NEGR1: variants seen among roughly 807,000 people sequenced by gnomAD.
NEGR1 encodes the protein neuronal growth regulator 1, also known as IgLON family member 4.
NEGR1 carries 10 observed loss-of-function variants against 40.9 expected under a neutral mutation model. That is an observed-to-expected ratio of 0.24 (90% CI 0.15 to 0.42). The LOEUF (loss-of-function observed/expected upper bound fraction) is 0.42. NEGR1 is among the 10% of genes least tolerant of loss of function. NEGR1 has a pLI of 1.00. For missense variants in NEGR1, 352 were observed against 438.9 expected (o/e 0.80, Z 1.77); for synonymous variants, 185 against 166.8 (o/e 1.11, Z -0.84).
chr1:71,834,886 A>AACACACACACACACACACACAC (rs1330229060), intron 2 of NEGR1, among the ~76,000 whole-genome samples: 1,440 of 78,160 alleles, frequency 0.018, 11 homozygotes, highest in Non-Finnish European at 0.027. Flanking sequence ...ATTTTAGGAG[A>AACACACACACACACACACACAC]TCACACACAC....
intron 2 of NEGR1, among the ~76,000 whole-genome samples, chr1:71,827,778 CGA>C (rs1169608392): frequency 1.3e-5 from 2 of 151,364 alleles, no homozygotes; most frequent in South Asian, 4.2e-4. Context: ...AACTATACCG[CGA>C]GAGAGACAGG....
At chr1:71,456,086 TA>T (rs1425582465) in intron 6 of NEGR1, among the ~76,000 whole-genome samples, 1 of 152,158 alleles carries the variant, frequency 6.6e-6, no homozygotes, top group Non-Finnish European at 1.5e-5. Context: ...AAACTATAGT[TA>T]AATTAGATGA....
intron 1 of NEGR1, among the ~76,000 whole-genome samples, chr1:72,064,365 G>A (rs747658916): frequency 3.3e-5 from 5 of 152,046 alleles, no homozygotes; most frequent in Non-Finnish European, 5.9e-5. Context: ...GGCATGTAGA[G>A]GAGCTGAGGA....
At chr1:72,026,636 C>T (rs1185334495) in intron 1 of NEGR1, among the ~76,000 whole-genome samples, 1 of 152,092 alleles carries the variant, frequency 6.6e-6, no homozygotes, top group Admixed American at 6.6e-5. Flanking sequence ...CCCTCTCTCT[C>T]TCCTGAAATA....
intron 6 of NEGR1, among the ~76,000 whole-genome samples, chr1:71,534,333 C>T (rs540765934): frequency 7.3e-5 from 11 of 151,528 alleles, no homozygotes; most frequent in Non-Finnish European, 1.5e-4. Flanking sequence ...ATAAAATAAG[C>T]TGTCCAAAAG....
rs138617570 is a variant in NEGR1 at position 72,082,721 on chromosome 1, A to C, written c.177-147410T>G. On this transcript the variant is annotated intron_variant, in intron 1 of 6. Transcript: ENST00000357731. ...ACAAAACAAAACAAAAAACAAAAAAAAAAAAACTAATGGGTCATCCTGAGG... is the reference window on the plus strand; with the variant it reads ...ACAAAACAAAACAAAAAACAAAAAACAAAAAACTAATGGGTCATCCTGAGG... Among the ~76,000 whole-genome samples the C allele has an allele frequency of 7.0e-3, 1,067 of 152,124 alleles. 9 individuals are homozygous for C. Among genetic ancestry groups the C allele is most frequent in the African/African-American group, 0.022 (895 of 41,512 alleles).
At chr1:71,754,753 T>C (rs977490736) in intron 3 of NEGR1, among the ~76,000 whole-genome samples, 9 of 152,158 alleles carry the variant, frequency 5.9e-5, no homozygotes, top group Non-Finnish European at 1.2e-4. Flanking sequence ...ATAGACACTT[T>C]TCCATATATC....
chr1:72,018,537 A>G (rs1646731181), intron 1 of NEGR1, among the ~76,000 whole-genome samples: 1 of 152,206 alleles, frequency 6.6e-6, no homozygotes, highest in Non-Finnish European at 1.5e-5. Flanking sequence ...ATAATTTTTA[A>G]TAACTTCTCA....
At chr1:72,038,756 C>T (rs544017246) in intron 1 of NEGR1, among the ~76,000 whole-genome samples, 7 of 151,964 alleles carry the variant, frequency 4.6e-5, no homozygotes, top group Admixed American at 1.3e-4. Flanking sequence ...ATGGATGCTC[C>T]ATGAATCACC....
chr1:72,253,454 C>G (rs1570179730), intron 1 of NEGR1, among the ~76,000 whole-genome samples: 1 of 151,940 alleles, frequency 6.6e-6, no homozygotes, highest in African/African-American at 2.4e-5. Flanking sequence ...AATAATAAAT[C>G]AACACTCATC....
At chr1:72,095,276 T>C (rs1197659506) in intron 1 of NEGR1, among the ~76,000 whole-genome samples, 1 of 152,142 alleles carries the variant, frequency 6.6e-6, no homozygotes, top group Non-Finnish European at 1.5e-5. Context: ...TGAATATTAC[T>C]TTGAAAATCT....
chr1:71,519,743 A>T (rs1350500617), intron 6 of NEGR1, among the ~76,000 whole-genome samples: 8 of 147,920 alleles, frequency 5.4e-5, no homozygotes, highest in African/African-American at 1.8e-4. Flanking sequence ...AAAAAAAAAA[A>T]ATTAAAAAAA....
intron 2 of NEGR1, among the ~76,000 whole-genome samples, chr1:71,795,396 A>T (rs1027878017): frequency 2.6e-5 from 4 of 152,072 alleles, no homozygotes; most frequent in Non-Finnish European, 4.4e-5. Context: ...GGACTAAAAC[A>T]GTGGTTCTCA....
intron 6 of NEGR1, among the ~76,000 whole-genome samples, chr1:71,503,826 G>A (rs1382280609): frequency 1.3e-5 from 2 of 151,900 alleles, no homozygotes; most frequent in African/African-American, 4.8e-5. Flanking sequence ...CACAGGAGAA[G>A]AAAACGAAAT....
chr1:72,250,398 C>T (rs1464043824), intron 1 of NEGR1, among the ~76,000 whole-genome samples: 2 of 151,830 alleles, frequency 1.3e-5, no homozygotes, highest in Non-Finnish European at 2.9e-5. Context: ...TTAAGCTTAA[C>T]ATATACAAGC....
rs1298528827 is a variant in NEGR1, at chr1:71,403,037, T to C, written c.*4409A>G. 1 of 152,118 alleles carries C rather than the reference T, an allele frequency of 6.6e-6. No individual in the cohort carries two copies. Among genetic ancestry groups the C allele is most frequent in the Admixed American group, 6.6e-5 (1 of 15,256 alleles). The allele number at this position is 152,118 out of a possible 1,614,324, so 9.4% of individuals were successfully genotyped here. ...TTTCTCAGAATAGCAATGATACTTA[T>C]ATTTCAAAATAGCTTATAAAACCAA... On this transcript the variant is annotated 3_prime_UTR_variant, in exon 7 of 7. Transcript: ENST00000357731.
At chr1:72,240,689 A>T (rs1269832591) in intron 1 of NEGR1, among the ~76,000 whole-genome samples, 1 of 151,856 alleles carries the variant, frequency 6.6e-6, no homozygotes, top group African/African-American at 2.4e-5. Context: ...GCCTGTTGAT[A>T]TTTCAAAGGG....
chr1:72,234,423 G>A (rs1298758906), intron 1 of NEGR1, among the ~76,000 whole-genome samples: 2 of 152,086 alleles, frequency 1.3e-5, no homozygotes, highest in Admixed American at 6.6e-5. Context: ...ATTTAGAAAT[G>A]GGATCTGGGA....
In NEGR1 at chr1:71,405,923, C is replaced by T. The variant is rs1450999912; in HGVS notation, c.*1523G>A. 6.6e-6 allele frequency: 1 copy of T among 152,126 alleles called. No homozygotes were observed. The highest frequency in any genetic ancestry group is 1.5e-5 in the Non-Finnish European group (1 of 67,806). The allele number at this position is 152,126 out of a possible 1,614,324, so 9.4% of individuals were successfully genotyped here. A position where few individuals can be genotyped will look rare whatever the true frequency, so the allele number is the denominator to read the frequency against. The stretch of plus-strand genomic sequence containing the variant: ...GCCTTTCTTTAGTAAAGAGTGAAAC[C>T]ATCAAACTATTCCTGTAAATTAATG... On this transcript the variant is annotated 3_prime_UTR_variant, in exon 7 of 7. Coordinates refer to ENST00000357731, the MANE Select transcript of NEGR1 (RefSeq NM_173808.3).
Sources: gnomAD v4.1 joint callset for allele counts (sites outside exome capture counted in the v4.1 genomes callset) on GRCh38, gnomAD v4.1.1 for gene constraint, MANE v1.5 for transcripts, NCBI Gene and HGNC (gene_info 2026-07-23, HGNC 2026-07-21) for gene names.